The following WFDC1 variants were observed in gnomAD, a reference collection of about 807,000 sequenced individuals.
WFDC1 encodes WAP four-disulfide core domain protein 1.
Under a neutral mutation model 32.9 loss-of-function variants are expected in WFDC1, and 39 were observed. The ratio of observed to expected loss-of-function variants is 1.19; its 90% CI spans 0.92 to 1.55. The LOEUF is 1.55. Among genes scored for constraint, WFDC1 ranks in the 40% most tolerant of loss-of-function variants. The pLI, the probability that WFDC1 is intolerant of heterozygous loss-of-function variation, is 0.00. For missense variants in WFDC1, 386 were observed against 309.5 expected (o/e 1.25, Z -1.85); for synonymous variants, 184 against 137.4 (o/e 1.34, Z -2.37).
intron 1 of WFDC1, among the ~76,000 whole-genome samples, chr16:84,297,641 A>AAAAAAAAAAC: frequency 7.7e-6 from 1 of 129,282 alleles, no homozygotes. Flanking sequence ...AAAAAAAAAA[A>AAAAAAAAAAC]AAAAAACTGT....
At position 84,313,041 on chromosome 16, in the gene WFDC1, C is replaced by G; in HGVS notation, c.225C>G (p.Pro75=). The G allele has an allele frequency of 7.3e-7, 1 of 1,367,200 alleles. No individual in the cohort carries two copies. The allele number at this position is 1,367,200 out of a possible 1,614,324, so 84.7% of individuals were successfully genotyped here. The change falls in exon 2 of 7, where the codon CCC becomes CCG. Residue 75 remains proline (P), a synonymous_variant. Transcript: ENST00000219454. The part of the protein sequence containing the change: ...RCPPPPRTLP[P]GACQAARCQA... ...CGCCGCCTCCGCGGACGCTGCCCCC[C>G]GGCGCCTGCCAGGCCGCGCGCTGTC...
chr16:84,312,742 C>G (rs1312587756), intron 1 of WFDC1, among the ~76,000 whole-genome samples: 3 of 152,190 alleles, frequency 2.0e-5, no homozygotes, highest in African/African-American at 7.2e-5. Context: ...TTGCTCTGGG[C>G]TTTCAGTTAT....
Position 84,311,060 on chromosome 16 carries a change from G to A in WFDC1, c.145-1901G>A, listed in dbSNP as rs150882831. ...TAACTCTGTGTGTGTGTGCAAATGA[G>A]CACAAACTGCTCACCACGCACCCCA... is the stretch of plus-strand genomic sequence containing the variant. On this transcript the variant is annotated intron_variant, in intron 1 of 6. Coordinates refer to ENST00000219454, the MANE Select transcript of WFDC1 (RefSeq NM_021197.4). Among the ~76,000 whole-genome samples the A allele has an allele frequency of 3.9e-5, 6 of 152,240 alleles. No homozygotes were observed. In the East Asian group the frequency reaches 9.7e-4, roughly 25 times the overall value.
At chr16:84,299,702 G>A (rs1906821734) in intron 1 of WFDC1, among the ~76,000 whole-genome samples, 1 of 152,228 alleles carries the variant, frequency 6.6e-6, no homozygotes, top group Admixed American at 6.5e-5. Flanking sequence ...GGCCTGGGCA[G>A]GCTGGCCCCT....
intron 3 of WFDC1, 161 bp downstream of exon 3, chr16:84,318,516 G>T: frequency 1.5e-6 from 1 of 652,070 alleles, no homozygotes. Flanking sequence ...GCGAAGAAGG[G>T]CTGATGGCTG....
In WFDC1 at chr16:84,294,956, G is replaced by C; in HGVS notation, c.-16G>C. The C allele has an allele frequency of 6.2e-7, 1 of 1,607,024 alleles. No individual in the cohort carries two copies. The highest frequency in any genetic ancestry group is 1.3e-5 in the African/African-American group (1 of 74,924). Reference sequence around the variant, plus strand: ...CTCTTCTGTGTGCGTCTGGAAGGTCGCTGCCCAGGGAGGAAATGCCTTTAA... The same window carrying C: ...CTCTTCTGTGTGCGTCTGGAAGGTCCCTGCCCAGGGAGGAAATGCCTTTAA... On this transcript the variant is annotated 5_prime_UTR_variant, in exon 1 of 7. Coordinates refer to ENST00000219454, the MANE Select transcript of WFDC1 (RefSeq NM_021197.4).
At chr16:84,311,040 C>G (rs1567656560) in intron 1 of WFDC1, among the ~76,000 whole-genome samples, 1 of 152,044 alleles carries the variant, frequency 6.6e-6, no homozygotes, top group African/African-American at 2.4e-5. Flanking sequence ...GTATCTAACT[C>G]TGTGTGTGTG....
intron 3 of WFDC1, chr16:84,319,163 A>G (rs569163890): frequency 4.5e-5 from 23 of 516,842 alleles, no homozygotes; most frequent in Non-Finnish European, 7.9e-5. Context: ...GTCTATATGG[A>G]TGTTGCTGAG....
intron 5 of WFDC1, 73 bp from the exon 6 acceptor site, chr16:84,326,809 C>A: frequency 1.3e-6 from 2 of 1,587,828 alleles, no homozygotes; most frequent in South Asian, 2.2e-5. Context: ...TTTGGCAGTT[C>A]CTGGTGAGCC....
chr16:84,306,065 G>T (rs1030139386), intron 1 of WFDC1, among the ~76,000 whole-genome samples: 4 of 151,360 alleles, frequency 2.6e-5, no homozygotes, highest in Non-Finnish European at 5.9e-5. Flanking sequence ...TAAAAATCAG[G>T]TGAACTATGG....
At chr16:84,321,191 G>A (rs1225300966) in intron 4 of WFDC1, among the ~76,000 whole-genome samples, 4 of 152,228 alleles carry the variant, frequency 2.6e-5, no homozygotes, top group Non-Finnish European at 4.4e-5. Context: ...GGCCTCATTT[G>A]CCTTTTCTGT....
intron 1 of WFDC1, among the ~76,000 whole-genome samples, chr16:84,305,307 C>T (rs901488545): frequency 2.0e-5 from 3 of 152,214 alleles, no homozygotes; most frequent in South Asian, 4.1e-4. Flanking sequence ...ATGGGGACAG[C>T]AGTGGTACCT....
intron 1 of WFDC1, among the ~76,000 whole-genome samples, chr16:84,309,090 C>G (rs921007240): frequency 1.3e-5 from 2 of 152,212 alleles, no homozygotes; most frequent in Non-Finnish European, 2.9e-5. Context: ...CTGTGGAGCC[C>G]GCTCTGGTTG....
At chr16:84,296,023 A>G (rs145758133) in intron 1 of WFDC1, among the ~76,000 whole-genome samples, 54 of 152,280 alleles carry the variant, frequency 3.5e-4, no homozygotes, top group African/African-American at 1.2e-3. Context: ...TGAGGAAGCA[A>G]TAAAGCAGGA....
At chr16:84,323,203 C>T (rs1167876487) in intron 4 of WFDC1, among the ~76,000 whole-genome samples, 1 of 152,168 alleles carries the variant, frequency 6.6e-6, no homozygotes, top group Non-Finnish European at 1.5e-5. Flanking sequence ...TTCCATGGAG[C>T]GTTAGCACCT....
intron 3 of WFDC1, 129 bp downstream of exon 3, chr16:84,318,484 C>G (rs546907024): frequency 1.8e-5 from 15 of 818,058 alleles, no homozygotes; most frequent in South Asian, 1.5e-4. Context: ...ACACTCAGCC[C>G]TCTTTGATCC....
In WFDC1 at chr16:84,319,644, G is replaced by A. The variant is rs563027864; in HGVS notation, c.562+73G>A. ...TTCTCCCTGTAAGCGCCTCTCACCC[G>A]CATGGACGACCTGCCCCAGGAAGCA... On this transcript the variant is annotated intron_variant, in intron 4 of 6. Transcript: ENST00000219454. The A allele has an allele frequency of 5.8e-4, 898 of 1,554,382 alleles. 1 individual carries two copies. The highest frequency in any genetic ancestry group is 6.7e-4 in the Non-Finnish European group (777 of 1,152,976).
intron 2 of WFDC1, among the ~76,000 whole-genome samples, chr16:84,313,377 G>T (rs568024352): frequency 2.6e-5 from 4 of 152,304 alleles, no homozygotes; most frequent in African/African-American, 9.6e-5. Context: ...TGCGTTGTAG[G>T]AGATGCCCTT....
Position 84,294,930 on chromosome 16 carries a change from C to T in WFDC1, c.-42C>T. Reference sequence around the variant, plus strand: ...ACAGGCCCACGCAGCGAGGGGGGCCCCTCTTCTGTGTGCGTCTGGAAGGTC... The same window carrying T: ...ACAGGCCCACGCAGCGAGGGGGGCCTCTCTTCTGTGTGCGTCTGGAAGGTC... On this transcript the variant is annotated 5_prime_UTR_variant, in exon 1 of 7. Transcript: ENST00000219454. The T allele has an allele frequency of 6.3e-7, 1 of 1,592,824 alleles. No homozygotes were observed. The highest frequency in any genetic ancestry group is 1.3e-5 in the African/African-American group (1 of 74,700).
Sources: allele counts gnomAD v4.1 joint callset (sites outside exome capture counted in the v4.1 genomes callset), GRCh38; gene constraint gnomAD v4.1.1; transcripts MANE v1.5; gene names NCBI Gene and HGNC (gene_info 2026-07-23, HGNC 2026-07-21).